ESRRG: variants seen among roughly 807,000 people sequenced by gnomAD.
ESRRG encodes estrogen related receptor gamma.
A neutral mutation model predicts 44.0 loss-of-function variants in ESRRG; 13 were observed. That is an observed-to-expected ratio of 0.30 (90% CI 0.19 to 0.47). The LOEUF (loss-of-function observed/expected upper bound fraction) is 0.47. Ranked by LOEUF, ESRRG falls within the 20% of genes least tolerant of loss-of-function variation. The pLI is 1.00. For synonymous variants in ESRRG, 215 were observed against 214.6 expected, an observed-to-expected ratio of 1.00 and a Z score of -0.02; for missense variants, 395 against 580.6, an observed-to-expected ratio of 0.68 and a Z score of 3.29.
chr1:216,924,190 T>G (rs1480753561), intron 2 of ESRRG, among the ~76,000 whole-genome samples: 1 of 152,142 alleles, frequency 6.6e-6, no homozygotes, highest in Non-Finnish European at 1.5e-5. Context: ...GCTGCTATGA[T>G]TTGTATATTT....
chr1:217,127,539 C>T (rs1286171499), intron 1 of ESRRG, among the ~76,000 whole-genome samples: 1 of 152,204 alleles, frequency 6.6e-6, no homozygotes, highest in African/African-American at 2.4e-5. Context: ...TGATTCAATA[C>T]AGAGATTCAG....
At chr1:216,762,045 C>G (rs1296171253) in intron 2 of ESRRG, among the ~76,000 whole-genome samples, 1 of 152,102 alleles carries the variant, frequency 6.6e-6, no homozygotes, top group Admixed American at 6.6e-5. Context: ...CACAATAACA[C>G]TCTAGGATGG....
intron 3 of ESRRG, among the ~76,000 whole-genome samples, chr1:216,649,465 T>C (rs1340453506): frequency 1.3e-5 from 2 of 151,932 alleles, no homozygotes; most frequent in Admixed American, 1.3e-4. Context: ...ATGTCTGCCA[T>C]CCATTCTCCT....
At chr1:216,552,680 C>T (rs2056669909) in intron 5 of ESRRG, among the ~76,000 whole-genome samples, 1 of 152,108 alleles carries the variant, frequency 6.6e-6, no homozygotes, top group South Asian at 2.1e-4. Flanking sequence ...TTGCTGACTA[C>T]AATATGGTGC....
At chr1:216,615,953 T>C (rs1294714356) in intron 3 of ESRRG, among the ~76,000 whole-genome samples, 1 of 152,138 alleles carries the variant, frequency 6.6e-6, no homozygotes, top group Non-Finnish European at 1.5e-5. Context: ...CCCAAAGTGC[T>C]GGGATTACAG....
At chr1:216,890,115 A>G (rs1367594608) in intron 2 of ESRRG, among the ~76,000 whole-genome samples, 2 of 151,980 alleles carry the variant, frequency 1.3e-5, no homozygotes, top group Non-Finnish European at 2.9e-5. Flanking sequence ...AAGTACAAAA[A>G]TTAGCTGTAT....
intron 2 of ESRRG, among the ~76,000 whole-genome samples, chr1:216,848,805 C>T (rs148942723): frequency 0.011 from 1,632 of 152,126 alleles, 12 homozygotes; most frequent in Non-Finnish European, 0.018. Flanking sequence ...ACAGTACATG[C>T]ACTTTTTTCA....
chr1:217,121,119 TACACACACAC>T (rs71163790), intron 1 of ESRRG, among the ~76,000 whole-genome samples: 4,372 of 148,450 alleles, frequency 0.029, 85 homozygotes, highest in African/African-American at 0.033. Flanking sequence ...TCTTGAAGAA[TACACACACAC>T]ACACACACAC....
At chr1:217,087,943 C>A (rs2092183880) in intron 1 of ESRRG, among the ~76,000 whole-genome samples, 1 of 152,104 alleles carries the variant, frequency 6.6e-6, no homozygotes, top group Non-Finnish European at 1.5e-5. Context: ...AGGCATTCCT[C>A]AGCTCGGGAT....
At chr1:216,517,962 C>T (rs911365046) in intron 6 of ESRRG, among the ~76,000 whole-genome samples, 1 of 152,050 alleles carries the variant, frequency 6.6e-6, no homozygotes, top group Admixed American at 6.6e-5. Context: ...TCCTATCAGT[C>T]TAAGGATTCA....
At chr1:216,766,946 G>T (rs1480968672) in intron 2 of ESRRG, among the ~76,000 whole-genome samples, 2 of 152,082 alleles carry the variant, frequency 1.3e-5, no homozygotes, top group East Asian at 1.9e-4. Context: ...CTGAGCTAAA[G>T]AAATTTTTCT....
intron 2 of ESRRG, among the ~76,000 whole-genome samples, chr1:216,792,562 G>A (rs1222883644): frequency 6.6e-6 from 1 of 152,156 alleles, no homozygotes; most frequent in Non-Finnish European, 1.5e-5. Context: ...ATGAGGCAGT[G>A]GCATTAGGAA....
intron 1 of ESRRG, among the ~76,000 whole-genome samples, chr1:216,968,983 T>C (rs371636860): frequency 1.8e-4 from 27 of 152,330 alleles, no homozygotes; most frequent in African/African-American, 5.8e-4. Flanking sequence ...GTAAATAGTT[T>C]ACTACTCTTC....
chr1:216,857,658 G>A (rs1419036985), intron 2 of ESRRG, among the ~76,000 whole-genome samples: 1 of 150,196 alleles, frequency 6.7e-6, no homozygotes, highest in Non-Finnish European at 1.5e-5. Context: ...CCATGCTAGA[G>A]AGTCACAGGG....
intron 2 of ESRRG, among the ~76,000 whole-genome samples, chr1:216,881,452 T>C (rs1019736190): frequency 2.0e-5 from 3 of 152,166 alleles, no homozygotes; most frequent in African/African-American, 7.2e-5. Flanking sequence ...TCTGGTCCTC[T>C]TCTAATATTA....
intron 1 of ESRRG, among the ~76,000 whole-genome samples, chr1:216,688,611 AAGC>A (rs1467819050): frequency 6.6e-6 from 1 of 152,194 alleles, no homozygotes; most frequent in Admixed American, 6.5e-5. Context: ...GACTTATGTG[AAGC>A]AGGCTCTCTT....
At chr1:216,582,919 A>G (rs2063067563) in intron 3 of ESRRG, among the ~76,000 whole-genome samples, 1 of 152,176 alleles carries the variant, frequency 6.6e-6, no homozygotes, top group South Asian at 2.1e-4. Context: ...CCTAGAGTAC[A>G]AAGGAGCGGA....
At chr1:216,847,143 A>G (rs1222108124) in intron 2 of ESRRG, among the ~76,000 whole-genome samples, 1 of 152,068 alleles carries the variant, frequency 6.6e-6, no homozygotes, top group African/African-American at 2.4e-5. Context: ...GAGAGTTGAC[A>G]GTACCAGTTA....
chr1:216,983,105 C>CCTGATGTGTAA (rs1375199127), intron 1 of ESRRG, among the ~76,000 whole-genome samples: 2 of 149,238 alleles, frequency 1.3e-5, no homozygotes, highest in Admixed American at 1.4e-4. Flanking sequence ...CTACTACATA[C>CCTGATGTGTAA]CTGATGTGTA....
Sources: allele counts gnomAD v4.1 joint callset (sites outside exome capture counted in the v4.1 genomes callset), GRCh38; gene constraint gnomAD v4.1.1; transcripts MANE v1.5; gene names NCBI Gene and HGNC (gene_info 2026-07-23, HGNC 2026-07-21).